The following STK3 variants were observed in gnomAD, a reference collection of about 807,000 sequenced individuals.
STK3 encodes serine/threonine-protein kinase 3.
STK3 carries 41 observed loss-of-function variants against 58.0 expected under a neutral mutation model. The observed-to-expected ratio is 0.71, with a 90% confidence interval of 0.55 to 0.92. The LOEUF is 0.92. Among genes scored for constraint, STK3 ranks in the 40% least tolerant of loss-of-function variants. The pLI is 0.00. For synonymous variants in STK3, 170 were observed against 191.0 expected (o/e 0.89, Z 0.91); for missense variants, 479 against 602.7 (o/e 0.79, Z 2.15).
chr8:98,621,385 G>C (rs1818304551), intron 6 of STK3, among the ~76,000 whole-genome samples: 1 of 152,018 alleles, frequency 6.6e-6, no homozygotes. Flanking sequence ...CAATCTGTAT[G>C]CCTTTTCCTT....
chr8:98,627,656 T>C (rs1818839843), intron 6 of STK3, among the ~76,000 whole-genome samples: 1 of 152,136 alleles, frequency 6.6e-6, no homozygotes, highest in South Asian at 2.1e-4. Flanking sequence ...GCTGGCATCA[T>C]GCTTGTATGA....
the STK3 span, among the ~76,000 whole-genome samples, chr8:98,361,058 C>T: frequency 6.6e-6 from 1 of 152,186 alleles, no homozygotes; most frequent in African/African-American, 2.4e-5. Flanking sequence ...CTGCTATTTT[C>T]ACACTCCTGT....
At chr8:98,923,884 A>G (rs563079546) in intron 1 of STK3, among the ~76,000 whole-genome samples, 1 of 147,826 alleles carries the variant, frequency 6.8e-6, no homozygotes, top group Non-Finnish European at 1.5e-5. Flanking sequence ...CGCGTTGACA[A>G]TGATGGGAGA....
chr8:98,551,312 G>A (rs1222927288), intron 8 of STK3, among the ~76,000 whole-genome samples: 2 of 152,042 alleles, frequency 1.3e-5, no homozygotes, highest in Non-Finnish European at 2.9e-5. Flanking sequence ...CAATTGTTTT[G>A]CAAAATCTTT....
rs920655950 is a variant in STK3 at position 98,774,834 on chromosome 8, A to G, written c.27-15T>C. On this transcript the variant is annotated splice_polypyrimidine_tract_variant and intron_variant, in intron 1 of 10. Coordinates refer to ENST00000419617, the MANE Select transcript of STK3 (RefSeq NM_006281.4). ...TTTTTAGTTTACTGATTTAAAAAAG[A>G]AAGAAGAAAGAAAATATTTTCTTTA... 1 of 1,518,412 alleles carries G rather than the reference A, an allele frequency of 6.6e-7. No homozygotes were observed. Among genetic ancestry groups the G allele is most frequent in the Admixed American group, 2.3e-5 (1 of 43,494 alleles). The allele number at this position is 1,518,412 out of a possible 1,614,324, so 94.1% of individuals were successfully genotyped here.
intron 3 of STK3, among the ~76,000 whole-genome samples, chr8:98,764,971 C>T (rs1474865959): frequency 1.3e-5 from 2 of 152,118 alleles, no homozygotes; most frequent in African/African-American, 4.8e-5. Flanking sequence ...TTGGAAAGAA[C>T]GCTCTAGCTT....
intron 1 of STK3, among the ~76,000 whole-genome samples, chr8:98,900,743 C>T (rs1232469701): frequency 6.6e-6 from 1 of 151,328 alleles, no homozygotes; most frequent in Admixed American, 6.6e-5. Flanking sequence ...CTCACTGCAA[C>T]CTCCCCCCAC....
At chr8:98,456,173 A>T (rs1365327386) in intron 10 of STK3, among the ~76,000 whole-genome samples, 173 bp from the exon 11 acceptor site, 1 of 152,232 alleles carries the variant, frequency 6.6e-6, no homozygotes, top group African/African-American at 2.4e-5. Flanking sequence ...TCTTCCTTGA[A>T]GAACTCAGAG....
At chr8:98,501,705 A>G (rs1823613697) in intron 10 of STK3, among the ~76,000 whole-genome samples, 1 of 152,250 alleles carries the variant, frequency 6.6e-6, no homozygotes, top group Non-Finnish European at 1.5e-5. Flanking sequence ...GCCAAAGATC[A>G]GATGGTTGTA....
chr8:98,682,916 T>C (rs1481276018), intron 6 of STK3, among the ~76,000 whole-genome samples: 1 of 152,122 alleles, frequency 6.6e-6, no homozygotes, highest in African/African-American at 2.4e-5. Context: ...CTAAAATAAA[T>C]GCTAGCTTAA....
intron 4 of STK3, among the ~76,000 whole-genome samples, chr8:98,737,481 T>C (rs1457929290): frequency 6.6e-6 from 1 of 152,042 alleles, no homozygotes; most frequent in Non-Finnish European, 1.5e-5. Flanking sequence ...GGTACATGAA[T>C]AGAAAATAAA....
chr8:98,679,393 A>G (rs530948035), intron 6 of STK3, among the ~76,000 whole-genome samples: 59 of 152,256 alleles, frequency 3.9e-4, no homozygotes, highest in African/African-American at 1.3e-3. Flanking sequence ...TTCCAGTATC[A>G]TCTTCTCAAT....
At position 98,911,379 on chromosome 8, in the gene STK3, G is replaced by A. The variant is rs563826141; in HGVS notation, c.-78-27545C>T. On this transcript the variant is annotated intron_variant, in intron 1 of 1. Coordinates refer to the STK3 transcript ENST00000519420. ...AGGATGTATTACTCATATAAATATT[G>A]TATTGTATTTATTTATTTATTTATT... Among the ~76,000 whole-genome samples the A allele has an allele frequency of 3.6e-3, 540 of 151,642 alleles. 17 individuals are homozygous for A. In the South Asian group the frequency reaches 0.084, roughly 24 times the overall value.
At chr8:98,680,496 C>A (rs1823551533) in intron 6 of STK3, among the ~76,000 whole-genome samples, 1 of 152,134 alleles carries the variant, frequency 6.6e-6, no homozygotes, top group African/African-American at 2.4e-5. Context: ...ACACCCAATG[C>A]CAGTCTCTAC....
intron 1 of STK3, among the ~76,000 whole-genome samples, chr8:98,824,429 G>C (rs1835116795): frequency 6.6e-6 from 1 of 152,212 alleles, no homozygotes; most frequent in Admixed American, 6.5e-5. Context: ...TGTTTTCTCA[G>C]AGGTGCTCCT....
At chr8:98,923,216 A>T (rs1325530497) in intron 1 of STK3, among the ~76,000 whole-genome samples, 2 of 152,258 alleles carry the variant, frequency 1.3e-5, no homozygotes, top group Non-Finnish European at 2.9e-5. Context: ...ATGAAATAAA[A>T]AAAGAACAGT....
chr8:98,691,478 G>C (rs146812060), intron 6 of STK3, among the ~76,000 whole-genome samples: 1 of 152,262 alleles, frequency 6.6e-6, no homozygotes, highest in African/African-American at 2.4e-5. Flanking sequence ...AAGGGACTCA[G>C]ACTGTGTATT....
At chr8:98,649,974 T>C (rs571422609) in intron 6 of STK3, among the ~76,000 whole-genome samples, 3 of 152,208 alleles carry the variant, frequency 2.0e-5, no homozygotes, top group Non-Finnish European at 2.9e-5. Context: ...CTAAGGATTT[T>C]CTAGTTTTTG....
At chr8:98,846,313 T>C (rs1435117971) in intron 3 of STK3, among the ~76,000 whole-genome samples, 3 of 152,200 alleles carry the variant, frequency 2.0e-5, no homozygotes, top group Admixed American at 2.0e-4. Flanking sequence ...TGTTCACCCA[T>C]GTCCCTGGGA....
Sources: allele counts gnomAD v4.1 joint callset (sites outside exome capture counted in the v4.1 genomes callset), GRCh38; gene constraint gnomAD v4.1.1; transcripts MANE v1.5; gene names NCBI Gene and HGNC (gene_info 2026-07-23, HGNC 2026-07-21).